LRBA: variants seen among roughly 807,000 people sequenced by gnomAD.
LRBA encodes the protein LPS responsive beige-like anchor protein, also known as lipopolysaccharide-responsive and beige-like anchor protein.
In LRBA, 176 loss-of-function variants were observed where a neutral mutation model predicts 330.0. That is an observed-to-expected ratio of 0.53 (90% CI 0.47 to 0.60). LRBA has a LOEUF of 0.60. LRBA is among the 20% of genes least tolerant of loss of function. The probability of loss-of-function intolerance (pLI) is 0.00; values close to 1 mark genes in which losing one functional copy is unlikely to be tolerated. For synonymous variants in LRBA, 1,230 were observed against 1,193.0 expected (o/e 1.03, Z -0.64); for missense variants, 3,259 against 3,444.8 (o/e 0.95, Z 1.35).
At chr4:150,975,579 G>A (rs1160033556) in intron 2 of LRBA, among the ~76,000 whole-genome samples, 1 of 149,740 alleles carries the variant, frequency 6.7e-6, no homozygotes. Context: ...AAAAGGTAAA[G>A]AAAAATGAAA....
At chr4:150,335,066 G>A (rs1333597642) in intron 48 of LRBA, among the ~76,000 whole-genome samples, 4 of 151,874 alleles carry the variant, frequency 2.6e-5, no homozygotes, top group Non-Finnish European at 5.9e-5. Context: ...CTGACTTCAG[G>A]TGATCCGCCT....
chr4:150,972,990 C>G (rs1739741114), intron 2 of LRBA, among the ~76,000 whole-genome samples: 1 of 152,128 alleles, frequency 6.6e-6, no homozygotes, highest in African/African-American at 2.4e-5. Flanking sequence ...AAAAAACTAT[C>G]AATAATTAGT....
intron 2 of LRBA, among the ~76,000 whole-genome samples, chr4:150,956,935 A>G (rs1366825513): frequency 6.7e-6 from 1 of 149,168 alleles, no homozygotes; most frequent in Non-Finnish European, 1.5e-5. Context: ...CTATGAACCA[A>G]TTAGGTATTT....
At chr4:150,543,371 T>C (rs1235853699) in intron 40 of LRBA, among the ~76,000 whole-genome samples, 3 of 152,222 alleles carry the variant, frequency 2.0e-5, no homozygotes, top group African/African-American at 7.2e-5. Context: ...CTGCCAGCTA[T>C]GTGAACTGAA....
chr4:150,446,643 T>C (rs1752653130), intron 44 of LRBA, among the ~76,000 whole-genome samples: 1 of 152,176 alleles, frequency 6.6e-6, no homozygotes, highest in Non-Finnish European at 1.5e-5. Flanking sequence ...TCTGCTAAAA[T>C]AGTCCAGTCC....
intron 46 of LRBA, among the ~76,000 whole-genome samples, chr4:150,432,480 GAC>G (rs1469102805): frequency 2.7e-4 from 9 of 33,070 alleles, no homozygotes; most frequent in Admixed American, 4.7e-4. Flanking sequence ...TTTTTTTTGA[GAC>G]ACAGTCTCCC....
chr4:150,569,231 T>A (rs1411402823), intron 40 of LRBA, among the ~76,000 whole-genome samples: 1 of 152,002 alleles, frequency 6.6e-6, no homozygotes, highest in African/African-American at 2.4e-5. Flanking sequence ...TGTAACACAA[T>A]AGAAGGACAA....
chr4:150,573,369 A>C (rs1170333264), intron 40 of LRBA, among the ~76,000 whole-genome samples: 1 of 152,200 alleles, frequency 6.6e-6, no homozygotes, highest in Admixed American at 6.5e-5. Flanking sequence ...TCAGTCTTTT[A>C]GGTTTGCACT....
At chr4:150,797,327 A>AG (rs1487302918) in intron 34 of LRBA, among the ~76,000 whole-genome samples, 2 of 151,966 alleles carry the variant, frequency 1.3e-5, no homozygotes, top group Non-Finnish European at 2.9e-5. Flanking sequence ...CTTGACCTCT[A>AG]GACCAATACC....
chr4:150,672,930 A>AAAGTAGTAAGGAGAAGGG (rs1782197185), intron 37 of LRBA, among the ~76,000 whole-genome samples: 1 of 152,176 alleles, frequency 6.6e-6, no homozygotes. Flanking sequence ...GAATGAAAGG[A>AAAGTAGTAAGGAGAAGGG]AAGTAGTAAG....
intron 2 of LRBA, among the ~76,000 whole-genome samples, chr4:150,995,129 C>T (rs191599587): frequency 1.1e-4 from 16 of 152,106 alleles, no homozygotes; most frequent in Admixed American, 7.9e-4. Context: ...AGTCACCCTT[C>T]GCTCACTCCA....
chr4:150,490,248 A>G (rs1758739034), intron 41 of LRBA, among the ~76,000 whole-genome samples: 1 of 151,840 alleles, frequency 6.6e-6, no homozygotes, highest in Admixed American at 6.6e-5. Flanking sequence ...AAAATAAGAA[A>G]CCATCAACCC....
At chr4:150,953,824 T>A (rs1030176430) in intron 2 of LRBA, among the ~76,000 whole-genome samples, 1 of 144,002 alleles carries the variant, frequency 6.9e-6, no homozygotes, top group African/African-American at 2.6e-5. Flanking sequence ...CGGCCGCCCA[T>A]CATCTGGGAT....
intron 34 of LRBA, among the ~76,000 whole-genome samples, chr4:150,778,665 G>C (rs1451499879): frequency 6.6e-6 from 1 of 152,070 alleles, no homozygotes; most frequent in Admixed American, 6.6e-5. Context: ...TGACAAAAAA[G>C]TTGCTCTAAC....
intron 36 of LRBA, among the ~76,000 whole-genome samples, chr4:150,684,795 G>C (rs1342799491): frequency 6.6e-6 from 1 of 151,996 alleles, no homozygotes; most frequent in Non-Finnish European, 1.5e-5. Context: ...ACTTGATGTT[G>C]GGATAAATAT....
Position 150,278,017 on chromosome 4 carries a change from G to C in LRBA, c.8317-13C>G. The C allele has an allele frequency of 6.2e-7, 1 of 1,611,956 alleles. No homozygotes were observed. The highest frequency in any genetic ancestry group is 8.5e-7 in the Non-Finnish European group (1 of 1,178,814). ...TCAGCTGGATGGCCTGTGAGACACA[G>C]CAACATTCAGTAGAAATGTGGTTCT... On this transcript the variant is annotated splice_polypyrimidine_tract_variant and intron_variant, in intron 55 of 56. Transcript: ENST00000651943.
intron 48 of LRBA, among the ~76,000 whole-genome samples, chr4:150,334,861 G>A (rs1376202264): frequency 1.2e-4 from 15 of 127,538 alleles, no homozygotes; most frequent in Non-Finnish European, 1.7e-4. Context: ...ACAGAGTTTC[G>A]CTCTGTCACC....
chr4:150,786,581 C>T (rs776068239), intron 34 of LRBA, among the ~76,000 whole-genome samples: 21 of 152,066 alleles, frequency 1.4e-4, no homozygotes, highest in Non-Finnish European at 2.8e-4. Context: ...TCACTCCAGC[C>T]AGACTCAAGA....
intron 35 of LRBA, 34 bp downstream of exon 35, chr4:150,761,749 A>C: frequency 7.1e-7 from 1 of 1,400,094 alleles, no homozygotes; most frequent in Non-Finnish European, 9.8e-7. Flanking sequence ...ATTTTAAAGA[A>C]AAATACAAAA....
Sources: gnomAD v4.1 joint callset for allele counts (sites outside exome capture counted in the v4.1 genomes callset) on GRCh38, gnomAD v4.1.1 for gene constraint, MANE v1.5 for transcripts, NCBI Gene and HGNC (gene_info 2026-07-23, HGNC 2026-07-21) for gene names.